The following REPS1 variants were observed in gnomAD, a reference collection of about 807,000 sequenced individuals.
REPS1 encodes the protein ralBP1-associated Eps domain-containing protein 1.
Under a neutral mutation model 100.9 loss-of-function variants are expected in REPS1, and 39 were observed. The observed-to-expected ratio is 0.39, with a 90% CI of 0.30 to 0.50. REPS1 has a LOEUF of 0.50. REPS1 is among the 20% of genes least tolerant of loss of function. The probability of loss-of-function intolerance (pLI) is 0.86; values close to 1 mark genes in which losing one functional copy is unlikely to be tolerated. For missense variants in REPS1, 821 were observed against 968.5 expected, an observed-to-expected ratio of 0.85 and a Z score of 2.02; for synonymous variants, 324 against 340.3, an observed-to-expected ratio of 0.95 and a Z score of 0.53.
chr6:138,961,497 A>C (rs1783739618), intron 1 of REPS1, among the ~76,000 whole-genome samples: 1 of 152,052 alleles, frequency 6.6e-6, no homozygotes, highest in Admixed American at 6.6e-5. Flanking sequence ...AGTACTAGGC[A>C]TGAGCCACCA....
intron 1 of REPS1, among the ~76,000 whole-genome samples, chr6:138,954,175 G>A (rs937230703): frequency 3.3e-5 from 5 of 151,894 alleles, no homozygotes; most frequent in South Asian, 2.1e-4. Flanking sequence ...CCAAGGCTAC[G>A]AAGGGTAGAC....
intron 10 of REPS1, among the ~76,000 whole-genome samples, chr6:138,924,270 G>C (rs1780961216): frequency 6.6e-6 from 1 of 152,174 alleles, no homozygotes; most frequent in South Asian, 2.1e-4. Flanking sequence ...ATCCAATTCA[G>C]AGGTCTAAAT....
chr6:138,921,953 C>G (rs1780795294), intron 10 of REPS1, among the ~76,000 whole-genome samples: 1 of 147,218 alleles, frequency 6.8e-6, no homozygotes, highest in Admixed American at 6.8e-5. Context: ...GCTTAGGTGA[C>G]AGAGCTAGAC....
At chr6:138,918,519 T>A (rs541307190) in intron 12 of REPS1, among the ~76,000 whole-genome samples, 2 of 152,210 alleles carry the variant, frequency 1.3e-5, no homozygotes, top group South Asian at 2.1e-4. Context: ...ATGAATCTGT[T>A]AATCACAGAC....
At chr6:138,964,598 T>C (rs1375141282) in intron 1 of REPS1, among the ~76,000 whole-genome samples, 2 of 152,050 alleles carry the variant, frequency 1.3e-5, no homozygotes, top group Non-Finnish European at 2.9e-5. Flanking sequence ...AAATATGTTG[T>C]ATAATATATA....
intron 1 of REPS1, among the ~76,000 whole-genome samples, chr6:138,965,465 T>C (rs932684459): frequency 2.6e-5 from 4 of 152,040 alleles, no homozygotes; most frequent in African/African-American, 9.7e-5. Context: ...AAACTGAAGC[T>C]TGAAATAGTA....
chr6:138,945,141 G>C, intron 4 of REPS1, 78 bp downstream of exon 4: 3 of 1,288,522 alleles, frequency 2.3e-6, no homozygotes, highest in South Asian at 1.6e-5. Flanking sequence ...GGCTGAGGCA[G>C]GAGGATCATT....
At chr6:138,931,023 C>T (rs1781452562) in intron 8 of REPS1, among the ~76,000 whole-genome samples, 1 of 152,116 alleles carries the variant, frequency 6.6e-6, no homozygotes, top group Non-Finnish European at 1.5e-5. Context: ...TCCGATTCTT[C>T]CAAGCTGGCT....
In REPS1 at chr6:138,926,006, T is replaced by C. The variant is rs535265086; in HGVS notation, c.1338+395A>G. Among the ~76,000 whole-genome samples the C allele has an allele frequency of 7.8e-4, 119 of 152,300 alleles. 1 individual carries two copies. The highest frequency in any genetic ancestry group is 1.4e-3 in the Non-Finnish European group (94 of 68,018). On this transcript the variant is annotated intron_variant, in intron 10 of 19. Transcript: ENST00000450536. ...TGGCATGTCAAAATAAAAGATGACA[T>C]TGCATAAATAGTTACATATGTAGGA...
chr6:138,920,355 T>C, intron 11 of REPS1, 39 bp from the exon 12 acceptor site: 1 of 1,062,544 alleles, frequency 9.4e-7, no homozygotes, highest in African/African-American at 1.6e-5. Flanking sequence ...AAGACATAGG[T>C]ATTTGAACTG....
chr6:138,943,822 T>C (rs759801245), intron 6 of REPS1, 31 bp downstream of exon 6: 142 of 1,591,262 alleles, frequency 8.9e-5, no homozygotes, highest in Non-Finnish European at 1.1e-4. Flanking sequence ...TCCTGTCCCA[T>C]CTAGAAGAAC....
chr6:138,984,696 A>G (rs1785156453), intron 1 of REPS1, among the ~76,000 whole-genome samples: 1 of 152,096 alleles, frequency 6.6e-6, no homozygotes, highest in Non-Finnish European at 1.5e-5. Flanking sequence ...CCCCAAGTTA[A>G]GTCTACAGTT....
chr6:138,987,517 G>C lies in REPS1; in HGVS notation c.153+13C>G. On this transcript the variant is annotated intron_variant, in intron 1 of 19. Coordinates refer to ENST00000450536, the MANE Select transcript of REPS1 (RefSeq NM_001286611.2). ...GGCCTAAGCCGCCCGCCGGCCCCGG[G>C]ACGCGACGTTACCTGTAGGACCACG... 1 of 1,542,630 alleles carries C rather than the reference G, an allele frequency of 6.5e-7. No individual in the cohort carries two copies. The highest frequency in any genetic ancestry group is 8.7e-7 in the Non-Finnish European group (1 of 1,143,474).
chr6:138,956,186 TA>T (rs748914254), intron 1 of REPS1, among the ~76,000 whole-genome samples: 4 of 152,104 alleles, frequency 2.6e-5, no homozygotes, highest in Non-Finnish European at 5.9e-5. Flanking sequence ...ACTCTCATTA[TA>T]ATGACAGTAA....
At chr6:138,922,032 T>A (rs1305536822) in intron 10 of REPS1, among the ~76,000 whole-genome samples, 1 of 148,502 alleles carries the variant, frequency 6.7e-6, no homozygotes, top group Non-Finnish European at 1.5e-5. Context: ...AATGCTCTTA[T>A]AAAAACACAG....
intron 1 of REPS1, among the ~76,000 whole-genome samples, chr6:138,968,852 A>T (rs114180733): frequency 2.3e-3 from 347 of 152,282 alleles, no homozygotes; most frequent in African/African-American, 7.7e-3. Flanking sequence ...TTAAAAAAAA[A>T]TTTTACTAGC....
At chr6:138,975,235 G>C (rs1261907111) in intron 1 of REPS1, among the ~76,000 whole-genome samples, 1 of 151,892 alleles carries the variant, frequency 6.6e-6, no homozygotes, top group Non-Finnish European at 1.5e-5. Flanking sequence ...TTATTTCCAC[G>C]TTAATGGCAT....
chr6:138,926,466 T>G lies in REPS1; in HGVS notation c.1273A>C (p.Ser425Arg). Residue 425 changes from serine to arginine, a missense_variant, in exon 10 of 20, where the codon AGT (serine) becomes CGT (arginine). Ser to Arg is a moderately radical substitution (Grantham distance 110, BLOSUM62 -1). This residue lies in a region of REPS1 where 757 missense variants were observed against 866.4 expected (regional missense o/e 0.87). Transcript: ENST00000450536. ...GTTTGTGAGCTTGAAGAGCGTTCAC[T>G]AAATGTCTCCCACTGCTGAACAGAC... ...NQSSEQWETF[S>R]ERSSSSQTLT... The G allele has an allele frequency of 6.2e-7, 1 of 1,611,636 alleles. No homozygotes were observed. The highest frequency in any genetic ancestry group is 8.5e-7 in the Non-Finnish European group (1 of 1,178,338).
At chr6:138,960,719 T>C (rs1350262946) in intron 1 of REPS1, among the ~76,000 whole-genome samples, 1 of 152,200 alleles carries the variant, frequency 6.6e-6, no homozygotes, top group Non-Finnish European at 1.5e-5. Flanking sequence ...TATTCTTCGA[T>C]ACTACATCAA....
Sources: gnomAD v4.1 joint callset for allele counts (sites outside exome capture counted in the v4.1 genomes callset) on GRCh38, gnomAD v4.1.1 for gene constraint, gnomAD v4.1.1 regional missense constraint, MANE v1.5 for transcripts, NCBI Gene and HGNC (gene_info 2026-07-23, HGNC 2026-07-21) for gene names.